The following ASB5 variants were observed in gnomAD, a reference collection of about 807,000 sequenced individuals.
The protein encoded by ASB5 is ankyrin repeat and SOCS box containing 5.
In ASB5, 45 loss-of-function variants were observed where a neutral mutation model predicts 42.1. The observed-to-expected ratio is 1.07, with a 90% CI of 0.84 to 1.37. The LOEUF (loss-of-function observed/expected upper bound fraction) is 1.37. Among genes scored for constraint, ASB5 ranks in the 40% most tolerant of loss-of-function variants. ASB5 has a pLI of 0.00. For synonymous variants in ASB5, 147 were observed against 150.6 expected (o/e 0.98, Z 0.18); for missense variants, 402 against 399.8 (o/e 1.01, Z -0.05).
Position 176,221,163 on chromosome 4 carries a change from A to G in ASB5, c.662T>C (p.Leu221Pro). The part of the protein sequence containing the change: ...SQQFHCIWKL[L>P]YAGADVQKGK... The stretch of plus-strand genomic sequence containing the variant: ...GTTTTAAAGGAAAATACCAGCATAA[A>G]GAAGCTTCCAGATGCAATGGAATTG... Residue 221 changes from leucine (L) to proline (P), a missense_variant, in exon 5 of 7, where the codon CTT (leucine) becomes CCT (proline). Physicochemically the swap from Leu to Pro is moderately conservative, Grantham distance 98. Coordinates refer to ENST00000296525, the MANE Select transcript of ASB5 (RefSeq NM_080874.4). The G allele has an allele frequency of 6.2e-7, 1 of 1,612,816 alleles. No individual in the cohort carries two copies. Among genetic ancestry groups the G allele is most frequent in the Non-Finnish European group, 8.5e-7 (1 of 1,179,596 alleles).
chr4:176,217,663 A>G (rs1418046468), intron 5 of ASB5, among the ~76,000 whole-genome samples: 1 of 152,138 alleles, frequency 6.6e-6, no homozygotes, highest in Non-Finnish European at 1.5e-5. Flanking sequence ...AATACAGCCT[A>G]CATGCTACAT....
intron 1 of ASB5, among the ~76,000 whole-genome samples, chr4:176,228,980 A>G (rs1753451766): frequency 6.6e-6 from 1 of 152,200 alleles, no homozygotes; most frequent in Non-Finnish European, 1.5e-5. Context: ...AAATATGAAA[A>G]TTATAATACT....
At chr4:176,254,886 C>T (rs1016032177) in intron 1 of ASB5, among the ~76,000 whole-genome samples, 2 of 152,136 alleles carry the variant, frequency 1.3e-5, no homozygotes, top group Non-Finnish European at 2.9e-5. Flanking sequence ...AATCCCAGCA[C>T]TTTGGGAGGC....
chr4:176,265,718 T>C (rs549410409), intron 1 of ASB5, among the ~76,000 whole-genome samples: 12 of 152,238 alleles, frequency 7.9e-5, no homozygotes, highest in African/African-American at 2.9e-4. Context: ...TTTCTCCACA[T>C]CCTCATTCTC....
chr4:176,237,384 T>C (rs1339609136), intron 1 of ASB5: 2 of 985,918 alleles, frequency 2.0e-6, no homozygotes, highest in Non-Finnish European at 2.4e-6. Flanking sequence ...ACCTGCTTAA[T>C]GCAGTTCATT....
intron 1 of ASB5, among the ~76,000 whole-genome samples, chr4:176,259,187 A>T (rs1346294734): frequency 6.6e-6 from 1 of 152,102 alleles, no homozygotes; most frequent in Non-Finnish European, 1.5e-5. Flanking sequence ...TCTTTCCTGG[A>T]TGCAACAGAT....
At chr4:176,250,466 C>T (rs1754011393) in intron 1 of ASB5, among the ~76,000 whole-genome samples, 2 of 152,202 alleles carry the variant, frequency 1.3e-5, no homozygotes, top group Non-Finnish European at 1.5e-5. Context: ...TGTGGGCTGT[C>T]TCCCATCAGG....
upstream of ASB5, among the ~76,000 whole-genome samples, chr4:176,273,197 G>T (rs1243551214): frequency 6.6e-6 from 1 of 152,038 alleles, no homozygotes; most frequent in Non-Finnish European, 1.5e-5. Flanking sequence ...AAACCACAGG[G>T]ATACATTCAA....
At chr4:176,227,494 T>C (rs1351092146) in intron 1 of ASB5, among the ~76,000 whole-genome samples, 1 of 152,186 alleles carries the variant, frequency 6.6e-6, no homozygotes, top group Non-Finnish European at 1.5e-5. Flanking sequence ...TATTTAATGA[T>C]AACCTGATTG....
chr4:176,258,158 T>C lies in ASB5; in HGVS notation c.196+10755A>G, dbSNP rs1344738045. On this transcript the variant is annotated intron_variant, in intron 1 of 6. Transcript: ENST00000296525. ...ATAGAAAGTTAACATCTATAGAGTG[T>C]TGACTTTACGCCAGACACTGTGGCA... 3.3e-5 allele frequency among the ~76,000 whole-genome samples: 5 copies of C among 152,224 alleles called. No individual in the cohort carries two copies. The East Asian group carries it at 9.6e-4, about 29-fold the overall frequency.
At chr4:176,238,027 G>C (rs1240741524) in intron 1 of ASB5, among the ~76,000 whole-genome samples, 1 of 152,170 alleles carries the variant, frequency 6.6e-6, no homozygotes, top group Non-Finnish European at 1.5e-5. Context: ...TTAGAGACCA[G>C]CCTGGCCAAC....
chr4:176,263,237 C>T (rs1754297043), intron 1 of ASB5, among the ~76,000 whole-genome samples: 1 of 152,094 alleles, frequency 6.6e-6, no homozygotes, highest in Non-Finnish European at 1.5e-5. Context: ...AGCCTGAGGC[C>T]CTCAGCAGGC....
chr4:176,271,053 G>A (rs1286764104), upstream of ASB5, among the ~76,000 whole-genome samples: 2 of 152,142 alleles, frequency 1.3e-5, no homozygotes, highest in Non-Finnish European at 2.9e-5. Flanking sequence ...ATTTCACTAA[G>A]GCTGGAATCA....
chr4:176,238,881 C>T (rs1037730218), intron 1 of ASB5, among the ~76,000 whole-genome samples: 3 of 152,184 alleles, frequency 2.0e-5, no homozygotes, highest in Non-Finnish European at 4.4e-5. Context: ...TCCTTATCTT[C>T]AATTAAGTTC....
chr4:176,219,248 A>ATGTATGATATATAAATATATATT (rs1561250831), intron 5 of ASB5, among the ~76,000 whole-genome samples: 5 of 109,252 alleles, frequency 4.6e-5, no homozygotes, highest in African/African-American at 1.5e-4. Flanking sequence ...ATAAATATAT[A>ATGTATGATATATAAATATATATT]TGTATGATAT....
chr4:176,269,145 C>G lies in ASB5; in HGVS notation c.-37G>C. On this transcript the variant is annotated 5_prime_UTR_variant, in exon 1 of 7. Transcript: ENST00000296525. ...AATCTGCGGCGGTCTTTAGTTGGAT[C>G]CAAGTCTCAAATGTGCCTGGCTCTC... 1 of 1,581,688 alleles carries G rather than the reference C, an allele frequency of 6.3e-7. No individual in the cohort carries two copies. Among genetic ancestry groups the G allele is most frequent in the African/African-American group, 1.3e-5 (1 of 74,132 alleles).
intron 2 of ASB5, among the ~76,000 whole-genome samples, chr4:176,222,966 C>G (rs1456007591): frequency 1.3e-5 from 2 of 151,896 alleles, no homozygotes; most frequent in South Asian, 2.1e-4. Flanking sequence ...TTTTAGTAGA[C>G]ACGGGGTTGC....
At chr4:176,244,951 C>G (rs954272531) in intron 1 of ASB5, among the ~76,000 whole-genome samples, 33 of 152,084 alleles carry the variant, frequency 2.2e-4, no homozygotes, top group African/African-American at 7.7e-4. Flanking sequence ...CAACAGAGAT[C>G]CTATCTCAAC....
chr4:176,266,098 T>TA (rs1560822462), intron 1 of ASB5, among the ~76,000 whole-genome samples: 2 of 152,140 alleles, frequency 1.3e-5, no homozygotes, highest in Admixed American at 6.6e-5. Context: ...GAAAGAGCTT[T>TA]AAAAAAAACC....
Sources: gnomAD v4.1 joint callset for allele counts (sites outside exome capture counted in the v4.1 genomes callset) on GRCh38, gnomAD v4.1.1 for gene constraint, MANE v1.5 for transcripts, NCBI Gene and HGNC (gene_info 2026-07-23, HGNC 2026-07-21) for gene names.